The following SNX29 variants were observed in gnomAD, a reference collection of about 807,000 sequenced individuals.
SNX29 encodes sorting nexin-29.
A neutral mutation model predicts 102.1 loss-of-function variants in SNX29; 78 were observed. The ratio of observed to expected loss-of-function variants is 0.76; its 90% CI spans 0.64 to 0.92. The LOEUF (loss-of-function observed/expected upper bound fraction) is 0.92, where lower values mean the gene tolerates loss of function less well. SNX29 is among the 40% of genes least tolerant of loss of function. The probability of loss-of-function intolerance (pLI) is 0.00; values close to 1 mark genes in which losing one functional copy is unlikely to be tolerated. For missense variants in SNX29, 1,280 were observed against 1,061.7 expected, an observed-to-expected ratio of 1.21 and a Z score of -2.86; for synonymous variants, 580 against 414.5, an observed-to-expected ratio of 1.40 and a Z score of -4.85.
chr16:12,509,754 C>G (rs1404678057), intron 19 of SNX29, among the ~76,000 whole-genome samples: 3 of 152,152 alleles, frequency 2.0e-5, no homozygotes, highest in Non-Finnish European at 2.9e-5. Context: ...GCTTGCCTCT[C>G]AAAATCCATG....
At chr16:12,351,891 A>T (rs1189507486) in intron 15 of SNX29, among the ~76,000 whole-genome samples, 1 of 152,010 alleles carries the variant, frequency 6.6e-6, no homozygotes, top group Non-Finnish European at 1.5e-5. Flanking sequence ...AGGAACAGTG[A>T]TTGATTAGTG....
intron 15 of SNX29, among the ~76,000 whole-genome samples, chr16:12,314,426 C>T (rs1309401778): frequency 1.3e-5 from 2 of 152,240 alleles, no homozygotes; most frequent in Non-Finnish European, 2.9e-5. Context: ...ACAGCTCAGG[C>T]TGGACTCTTG....
At chr16:12,310,725 C>A (rs2080511125) in intron 15 of SNX29, among the ~76,000 whole-genome samples, 2 of 152,044 alleles carry the variant, frequency 1.3e-5, no homozygotes, top group Admixed American at 1.3e-4. Flanking sequence ...CAAACGTAAA[C>A]ATATGTCAAA....
At chr16:12,313,375 C>A (rs937717286) in intron 15 of SNX29, among the ~76,000 whole-genome samples, 5 of 152,112 alleles carry the variant, frequency 3.3e-5, no homozygotes, top group African/African-American at 1.2e-4. Context: ...GATAATTATG[C>A]CTACACCCTG....
chr16:12,012,312 T>C (rs2056680996), intron 3 of SNX29, among the ~76,000 whole-genome samples: 1 of 126,558 alleles, frequency 7.9e-6, no homozygotes. Flanking sequence ...TGAATGAGTG[T>C]TGTTTGGTTT....
At chr16:12,144,957 G>T (rs2055003942) in intron 13 of SNX29, among the ~76,000 whole-genome samples, 1 of 152,158 alleles carries the variant, frequency 6.6e-6, no homozygotes, top group Admixed American at 6.5e-5. Context: ...TCCTGACCTC[G>T]TGATCCGCCC....
chr16:12,070,277 T>C (rs935411525), intron 10 of SNX29, among the ~76,000 whole-genome samples: 8 of 150,956 alleles, frequency 5.3e-5, no homozygotes, highest in South Asian at 2.1e-4. Flanking sequence ...GCTGCACCCA[T>C]TAACTCGTCA....
chr16:12,250,569 A>C (rs988752858), intron 14 of SNX29, among the ~76,000 whole-genome samples: 8 of 152,176 alleles, frequency 5.3e-5, no homozygotes, highest in African/African-American at 1.7e-4. Context: ...ACTGGCTCGA[A>C]GCACAATGCA....
In SNX29 at chr16:12,361,386, G is replaced by C. The variant is rs116043499; in HGVS notation, c.1899+5107G>C. Among the ~76,000 whole-genome samples the C allele has an allele frequency of 7.5e-3, 1,148 of 152,314 alleles. 18 individuals are homozygous for C. Among genetic ancestry groups the C allele is most frequent in the African/African-American group, 0.025 (1,047 of 41,558 alleles). On this transcript the variant is annotated intron_variant, in intron 16 of 20. Coordinates refer to ENST00000566228, the MANE Select transcript of SNX29 (RefSeq NM_032167.5). ...TGTAGATAAATTTTTGGAGAGCAACGTCAGTGCATCATTCTCATTGTGGAT... is the reference window on the plus strand; with the variant it reads ...TGTAGATAAATTTTTGGAGAGCAACCTCAGTGCATCATTCTCATTGTGGAT...
chr16:12,525,798 T>C (rs1252371856), intron 20 of SNX29, among the ~76,000 whole-genome samples: 1 of 148,914 alleles, frequency 6.7e-6, no homozygotes, highest in African/African-American at 2.5e-5. Context: ...TGGCTCGAAA[T>C]GTCATGCAGT....
intron 11 of SNX29, among the ~76,000 whole-genome samples, chr16:12,091,981 T>C (rs547502042): frequency 6.6e-6 from 1 of 152,030 alleles, no homozygotes; most frequent in Non-Finnish European, 1.5e-5. Context: ...GGGTCCATGG[T>C]GTTTTGTTTT....
At chr16:12,429,547 A>G (rs1476291959) in intron 18 of SNX29, among the ~76,000 whole-genome samples, 4 of 152,200 alleles carry the variant, frequency 2.6e-5, no homozygotes, top group Non-Finnish European at 5.9e-5. Context: ...GGGATTACAG[A>G]TGTGAGCCAC....
chr16:12,501,868 C>T (rs1213292290), intron 19 of SNX29, among the ~76,000 whole-genome samples: 1 of 151,794 alleles, frequency 6.6e-6, no homozygotes, highest in East Asian at 1.9e-4. Context: ...GTCCCAGGGT[C>T]AGTTAGGGCC....
At chr16:12,515,769 C>T (rs775520806) in intron 19 of SNX29, among the ~76,000 whole-genome samples, 32 of 152,086 alleles carry the variant, frequency 2.1e-4, no homozygotes, top group Middle Eastern at 3.2e-3. Context: ...CTTCAAGGCA[C>T]GGTGCCTTGG....
In SNX29 at chr16:12,469,282, A is replaced by G. The variant is rs145870954; in HGVS notation, c.2038-8437A>G. ...CATTTGGCTGCAATAATATCCGTCT[A>G]TCGGCATGGCCATACAATAATTCAG... On this transcript the variant is annotated intron_variant, in intron 18 of 20. Transcript: ENST00000566228. Among the ~76,000 whole-genome samples the G allele has an allele frequency of 2.3e-3, 343 of 152,362 alleles. 2 individuals are homozygous for G. Among genetic ancestry groups the G allele is most frequent in the African/African-American group, 7.9e-3 (329 of 41,590 alleles).
chr16:12,338,520 A>C (rs2081520185), intron 15 of SNX29, among the ~76,000 whole-genome samples: 1 of 152,186 alleles, frequency 6.6e-6, no homozygotes, highest in Non-Finnish European at 1.5e-5. Flanking sequence ...CGTTCTCCTC[A>C]CAGCTTCAGG....
intron 16 of SNX29, among the ~76,000 whole-genome samples, chr16:12,392,818 A>G (rs573700569): frequency 6.6e-6 from 1 of 152,296 alleles, no homozygotes; most frequent in Admixed American, 6.5e-5. Context: ...TTGTAAAGCA[A>G]ATGAAAAAAC....
At chr16:12,017,268 C>T (rs769980576) in intron 3 of SNX29, among the ~76,000 whole-genome samples, 20 of 152,212 alleles carry the variant, frequency 1.3e-4, no homozygotes, top group Non-Finnish European at 2.9e-4. Context: ...TAGTCCTAAC[C>T]TGGGCCTCAG....
At chr16:12,455,301 G>T (rs2086485631) in intron 18 of SNX29, among the ~76,000 whole-genome samples, 1 of 152,108 alleles carries the variant, frequency 6.6e-6, no homozygotes, top group African/African-American at 2.4e-5. Context: ...GGCCCTTTTG[G>T]CTGGGACTTC....
Sources: allele counts gnomAD v4.1 joint callset (sites outside exome capture counted in the v4.1 genomes callset), GRCh38; gene constraint gnomAD v4.1.1; transcripts MANE v1.5; gene names NCBI Gene and HGNC (gene_info 2026-07-23, HGNC 2026-07-21).